Variants in SEMA6A observed in about 807,000 individuals in gnomAD.
The protein encoded by SEMA6A is semaphorin-6A.
SEMA6A carries 25 observed loss-of-function variants against 96.8 expected under a neutral mutation model. The ratio of observed to expected loss-of-function variants is 0.26; its 90% CI spans 0.19 to 0.36. The LOEUF is 0.36. Ranked by LOEUF, SEMA6A falls within the 10% of genes least tolerant of loss-of-function variation. SEMA6A has a pLI of 1.00. For missense variants in SEMA6A, 1,363 were observed against 1,323.1 expected, an observed-to-expected ratio of 1.03 and a Z score of -0.47; for synonymous variants, 612 against 518.0, an observed-to-expected ratio of 1.18 and a Z score of -2.46.
intron 1 of SEMA6A, among the ~76,000 whole-genome samples, chr5:116,559,658 G>A (rs1007211710): frequency 2.6e-5 from 4 of 152,082 alleles, no homozygotes; most frequent in East Asian, 3.9e-4. Context: ...ACTTAAATAC[G>A]GTTTATGACA....
chr5:116,556,861 G>A (rs1174913327), intron 1 of SEMA6A, among the ~76,000 whole-genome samples: 1 of 152,182 alleles, frequency 6.6e-6, no homozygotes, highest in Non-Finnish European at 1.5e-5. Context: ...TGTACTTGGA[G>A]TGTTGCAACG....
rs1007703583 is a variant in SEMA6A at position 116,444,991 on chromosome 5, G to A, written c.*1622C>T. The A allele has an allele frequency of 6.5e-6, 1 of 152,802 alleles. No homozygotes were observed. Among genetic ancestry groups the A allele is most frequent in the East Asian group, 1.9e-4 (1 of 5,188 alleles). The allele number at this position is 152,802 out of a possible 1,614,324, so 9.5% of individuals were successfully genotyped here. On this transcript the variant is annotated 3_prime_UTR_variant, in exon 19 of 19. Transcript: ENST00000343348. Reference sequence around the variant, plus strand: ...TCTAAGGGAAGCAGGGAGCTCTTGAGGATGAAAGGGGATTTGACACACCCA... The same window carrying A: ...TCTAAGGGAAGCAGGGAGCTCTTGAAGATGAAAGGGGATTTGACACACCCA...
intron 18 of SEMA6A, chr5:116,449,234 G>T: frequency 1.5e-6 from 1 of 685,562 alleles, no homozygotes; most frequent in Non-Finnish European, 2.6e-6. Context: ...GAAAGAACAT[G>T]AATACATTAG....
intron 3 of SEMA6A, 134 bp from the exon 4 acceptor site, chr5:116,497,521 G>C (rs1580438590): frequency 1.9e-6 from 1 of 534,458 alleles, no homozygotes. Flanking sequence ...AAGAAGAAAA[G>C]AGCGCAGCCT....
intron 6 of SEMA6A, among the ~76,000 whole-genome samples, chr5:116,493,416 A>G (rs1232920134): frequency 1.3e-5 from 2 of 152,232 alleles, no homozygotes; most frequent in Non-Finnish European, 2.9e-5. Flanking sequence ...TACCTCTATT[A>G]TAAACTGATG....
At chr5:116,457,855 C>T (rs919831759) in intron 18 of SEMA6A, among the ~76,000 whole-genome samples, 5 of 152,134 alleles carry the variant, frequency 3.3e-5, no homozygotes, top group Admixed American at 2.0e-4. Context: ...CTTGCATAAC[C>T]TGTATCTCCC....
Position 116,566,821 on chromosome 5 carries a change from G to T in SEMA6A, c.-39+7364C>A, listed in dbSNP as rs112970043. ...CCTACCTTTGGTGTGGAAGGCAGTA[G>T]TTTGCTTTTGCTCCCAAATTGATTT... On this transcript the variant is annotated intron_variant, in intron 1 of 18. Transcript: ENST00000343348. 3.9e-3 allele frequency among the ~76,000 whole-genome samples: 601 copies of T among 152,308 alleles called. 5 individuals are homozygous for T. The highest frequency in any genetic ancestry group is 0.014 in the African/African-American group (579 of 41,562).
At chr5:116,453,560 G>C (rs1395285271) in intron 18 of SEMA6A, among the ~76,000 whole-genome samples, 1 of 152,210 alleles carries the variant, frequency 6.6e-6, no homozygotes, top group Admixed American at 6.5e-5. Context: ...ATACCATTTG[G>C]AAGGCTGTGG....
chr5:116,529,176 A>C (rs1759357106), intron 1 of SEMA6A, among the ~76,000 whole-genome samples: 2 of 152,168 alleles, frequency 1.3e-5, no homozygotes, highest in Admixed American at 1.3e-4. Flanking sequence ...TTTATATTCC[A>C]ACCAGTTATT....
intron 6 of SEMA6A, among the ~76,000 whole-genome samples, chr5:116,492,721 C>T (rs1160895576): frequency 6.6e-6 from 1 of 152,144 alleles, no homozygotes; most frequent in African/African-American, 2.4e-5. Context: ...TAGATCAGGG[C>T]ATGGTAGAGA....
At chr5:116,559,278 T>TG (rs1445819721) in intron 1 of SEMA6A, among the ~76,000 whole-genome samples, 2 of 152,090 alleles carry the variant, frequency 1.3e-5, no homozygotes, top group African/African-American at 2.4e-5. Flanking sequence ...CCTGGAAGCT[T>TG]GGGGGGATGA....
intron 1 of SEMA6A, among the ~76,000 whole-genome samples, chr5:116,549,110 T>C (rs1760301302): frequency 6.6e-6 from 1 of 152,144 alleles, no homozygotes. Flanking sequence ...TCTTAAAACC[T>C]AGATGGAAAA....
chr5:116,482,369 AG>A (rs1358747517), intron 11 of SEMA6A, 74 bp downstream of exon 11: 2 of 1,499,052 alleles, frequency 1.3e-6, no homozygotes, highest in Non-Finnish European at 9.1e-7. Flanking sequence ...CGCAGTTCAT[AG>A]GATGTTCATT....
Position 116,502,341 on chromosome 5 carries a change from A to G in SEMA6A, c.101-14T>C. The G allele has an allele frequency of 1.2e-6, 2 of 1,608,890 alleles. No individual in the cohort carries two copies. Among genetic ancestry groups the G allele is most frequent in the Non-Finnish European group, 1.7e-6 (2 of 1,175,404 alleles). ...ACTGTTTTGTATCTGTGAAAAGAGG[A>G]GATGGGGCAAGAAAGGAAAAGCAAA... On this transcript the variant is annotated splice_polypyrimidine_tract_variant and intron_variant, in intron 2 of 18. Transcript: ENST00000343348.
chr5:116,472,614 G>C (rs750047974), intron 17 of SEMA6A: 20 of 385,084 alleles, frequency 5.2e-5, no homozygotes, highest in Non-Finnish European at 8.2e-5. Flanking sequence ...TCTCCCTCAA[G>C]AACTCATTAA....
At chr5:116,573,802 G>A (rs1239390319) in intron 1 of SEMA6A, among the ~76,000 whole-genome samples, 1 of 152,052 alleles carries the variant, frequency 6.6e-6, no homozygotes, top group African/African-American at 2.4e-5. Flanking sequence ...GGGAGCTTCC[G>A]AGAATCCCAC....
chr5:116,508,606 CAGAGAGAAGAAAACAACTAA>C (rs1561506039), intron 1 of SEMA6A, among the ~76,000 whole-genome samples: 1 of 152,100 alleles, frequency 6.6e-6, no homozygotes, highest in Non-Finnish European at 1.5e-5. Context: ...GAAGCTGACT[CAGAGAGAAGAAAACAACTAA>C]ATTAGCAATA....
chr5:116,569,850 T>A (rs945171523), intron 1 of SEMA6A, among the ~76,000 whole-genome samples: 1 of 152,092 alleles, frequency 6.6e-6, no homozygotes, highest in Non-Finnish European at 1.5e-5. Flanking sequence ...AGAATTAGGT[T>A]TTTTAAACCT....
At position 116,574,435 on chromosome 5, in the gene SEMA6A, A is replaced by C. The variant is rs1337224410; in HGVS notation, c.-289T>G. On this transcript the variant is annotated 5_prime_UTR_variant, in exon 1 of 19. Coordinates refer to ENST00000343348, the MANE Select transcript of SEMA6A (RefSeq NM_020796.5). ...GCGGAGAAGGGGAGAGGAAAAAAGA[A>C]GCCAAAAAAAAAAAGAAGAAAAAGA... 1.3e-5 allele frequency: 2 copies of C among 151,584 alleles called. No homozygotes were observed. Among genetic ancestry groups the C allele is most frequent in the Non-Finnish European group, 2.9e-5 (2 of 67,824 alleles). 9.4% of individuals were successfully genotyped at this position (151,584 alleles called of 1,614,324 possible).
Sources: allele counts gnomAD v4.1 joint callset (sites outside exome capture counted in the v4.1 genomes callset), GRCh38; gene constraint gnomAD v4.1.1; transcripts MANE v1.5; gene names NCBI Gene and HGNC (gene_info 2026-07-23, HGNC 2026-07-21).